CSMD1: variants seen among roughly 807,000 people sequenced by gnomAD.
The protein encoded by CSMD1 is CUB and Sushi multiple domains 1, also known as CUB and sushi domain-containing protein 1.
In CSMD1, 213 loss-of-function variants were observed where a neutral mutation model predicts 417.5. That is an observed-to-expected ratio of 0.51 (90% CI 0.46 to 0.57). The LOEUF is 0.57. CSMD1 is among the 20% of genes least tolerant of loss of function. The pLI is 0.00. For missense variants in CSMD1, 6,923 were observed against 4,529.7 expected, an observed-to-expected ratio of 1.53 and a Z score of -15.17; for synonymous variants, 2,862 against 1,736.8, an observed-to-expected ratio of 1.65 and a Z score of -16.11.
At chr8:4,151,823 A>T (rs1275956711) in intron 3 of CSMD1, among the ~76,000 whole-genome samples, 1 of 152,162 alleles carries the variant, frequency 6.6e-6, no homozygotes, top group African/African-American at 2.4e-5. Flanking sequence ...AAGTTTTTTT[A>T]TATATATAGC....
intron 1 of CSMD1, among the ~76,000 whole-genome samples, chr8:4,885,834 G>T (rs943120453): frequency 6.6e-6 from 1 of 151,780 alleles, no homozygotes; most frequent in South Asian, 2.1e-4. Flanking sequence ...TGTATTATTT[G>T]TTGCTTGTGT....
At position 2,973,314 on chromosome 8, in the gene CSMD1, C is replaced by T. The variant is rs1349590718; in HGVS notation, c.8741-15G>A. On this transcript the variant is annotated splice_polypyrimidine_tract_variant and intron_variant, in intron 56 of 69. Coordinates refer to ENST00000635120, the MANE Select transcript of CSMD1 (RefSeq NM_033225.6). ...AGGATTATTTCCTATTGAAAACAAA[C>T]ACATACGGCAATCCACAATTGTGTT... The T allele has an allele frequency of 6.2e-7, 1 of 1,611,094 alleles. No individual in the cohort carries two copies. Among genetic ancestry groups the T allele is most frequent in the Non-Finnish European group, 8.5e-7 (1 of 1,178,004 alleles).
At chr8:3,177,178 A>G (rs980234143) in intron 37 of CSMD1, among the ~76,000 whole-genome samples, 25 of 152,320 alleles carry the variant, frequency 1.6e-4, no homozygotes, top group Non-Finnish European at 2.5e-4. Flanking sequence ...GAAAAGAATC[A>G]TCAGCTTAAT....
At chr8:3,792,764 C>A (rs994184644) in intron 5 of CSMD1, among the ~76,000 whole-genome samples, 3 of 152,134 alleles carry the variant, frequency 2.0e-5, no homozygotes, top group African/African-American at 7.2e-5. Context: ...TGAGAACTGC[C>A]TTTTCATGCT....
intron 7 of CSMD1, among the ~76,000 whole-genome samples, chr8:3,670,558 T>A (rs952546068): frequency 8.9e-6 from 1 of 111,892 alleles, no homozygotes; most frequent in Non-Finnish European, 2.1e-5. Context: ...CCCATATATA[T>A]ATGCGATATA....
rs571447449 is a variant in CSMD1, at chr8:2,961,253, T to C, written c.9629-39A>G. The C allele has an allele frequency of 1.4e-5, 18 of 1,323,684 alleles. No individual in the cohort carries two copies. The East Asian group carries it at 3.3e-4, about 24-fold the overall frequency. The allele number at this position is 1,323,684 out of a possible 1,614,324, so 82.0% of individuals were successfully genotyped here. ...TTTAAAAAGAAAAGAGGGCACCAGA[T>C]ATAGTTATTGTGAGAATTTTAACAG... On this transcript the variant is annotated intron_variant, in intron 61 of 69. Coordinates refer to ENST00000635120, the MANE Select transcript of CSMD1 (RefSeq NM_033225.6).
intron 5 of CSMD1, among the ~76,000 whole-genome samples, chr8:3,779,433 C>A (rs979385333): frequency 6.6e-6 from 1 of 152,052 alleles, no homozygotes; most frequent in African/African-American, 2.4e-5. Context: ...CAAGAAAGAT[C>A]GTTTAAGTTG....
intron 7 of CSMD1, among the ~76,000 whole-genome samples, chr8:3,660,421 T>C (rs955277154): frequency 7.3e-5 from 11 of 150,810 alleles, no homozygotes; most frequent in African/African-American, 2.7e-4. Context: ...TGTTGTTTGA[T>C]CATCCAAGCA....
At chr8:4,161,557 A>G (rs528650131) in intron 3 of CSMD1, among the ~76,000 whole-genome samples, 124 of 152,304 alleles carry the variant, frequency 8.1e-4, no homozygotes, top group Middle Eastern at 3.4e-3. Context: ...ACTACTTGAC[A>G]TTGTTTTGGA....
At chr8:4,467,141 GAA>G (rs1013117931) in intron 2 of CSMD1, among the ~76,000 whole-genome samples, 2 of 119,308 alleles carry the variant, frequency 1.7e-5, no homozygotes. Context: ...AAAAAAAAAA[GAA>G]AAAAAAAGAA....
At chr8:3,445,797 CA>C (rs1472109305) in intron 12 of CSMD1, among the ~76,000 whole-genome samples, 2 of 152,094 alleles carry the variant, frequency 1.3e-5, no homozygotes, top group African/African-American at 4.8e-5. Context: ...TGAGAAAAGA[CA>C]AAACATAACA....
chr8:4,919,515 GC>G (rs1175409415), intron 1 of CSMD1, among the ~76,000 whole-genome samples: 8 of 152,210 alleles, frequency 5.3e-5, no homozygotes, highest in African/African-American at 1.9e-4. Flanking sequence ...TTGATAGAAG[GC>G]AGAAGTTTGC....
At chr8:4,505,494 G>C (rs544761549) in intron 2 of CSMD1, among the ~76,000 whole-genome samples, 1 of 152,174 alleles carries the variant, frequency 6.6e-6, no homozygotes, top group East Asian at 1.9e-4. Context: ...ATTATAAACT[G>C]CTTAATCATT....
intron 3 of CSMD1, among the ~76,000 whole-genome samples, chr8:4,384,408 T>C (rs757540824): frequency 6.6e-6 from 1 of 152,162 alleles, no homozygotes. Flanking sequence ...TTGGAAAATA[T>C]ACAACAAAGG....
intron 1 of CSMD1, among the ~76,000 whole-genome samples, chr8:4,882,948 G>A (rs1049945447): frequency 6.6e-6 from 1 of 152,016 alleles, no homozygotes; most frequent in Non-Finnish European, 1.5e-5. Context: ...GGAGCTAGCA[G>A]TGTTAGCTCC....
intron 3 of CSMD1, among the ~76,000 whole-genome samples, chr8:4,131,013 T>C (rs1803069553): frequency 6.6e-6 from 1 of 152,148 alleles, no homozygotes; most frequent in East Asian, 1.9e-4. Flanking sequence ...GAATCTAGCA[T>C]TAATGACTCC....
At chr8:4,401,312 G>C (rs1379026892) in intron 3 of CSMD1, among the ~76,000 whole-genome samples, 1 of 152,056 alleles carries the variant, frequency 6.6e-6, no homozygotes, top group African/African-American at 2.4e-5. Flanking sequence ...TATTTCTACA[G>C]GAATAAAATT....
At chr8:4,526,174 T>A (rs1320745885) in intron 2 of CSMD1, among the ~76,000 whole-genome samples, 1 of 152,212 alleles carries the variant, frequency 6.6e-6, no homozygotes, top group Non-Finnish European at 1.5e-5. Flanking sequence ...ACATTTGTGA[T>A]TTTTGAGTAG....
intron 3 of CSMD1, among the ~76,000 whole-genome samples, chr8:4,388,535 G>C (rs1012495801): frequency 6.7e-6 from 1 of 149,066 alleles, no homozygotes; most frequent in Admixed American, 6.7e-5. Context: ...GGATACAGTG[G>C]ATTTTGGGGA....
Sources: allele counts gnomAD v4.1 joint callset (sites outside exome capture counted in the v4.1 genomes callset), GRCh38; gene constraint gnomAD v4.1.1; transcripts MANE v1.5; gene names NCBI Gene and HGNC (gene_info 2026-07-23, HGNC 2026-07-21).